FREM3: variants seen among roughly 807,000 people sequenced by gnomAD.
FREM3 encodes FRAS1 related extracellular matrix 3, also known as FRAS1-related extracellular matrix protein 3.
In FREM3, 105 loss-of-function variants were observed where a neutral mutation model predicts 129.1. The observed-to-expected ratio is 0.81, with a 90% CI of 0.69 to 0.96. The LOEUF (loss-of-function observed/expected upper bound fraction) is 0.96. Among genes scored for constraint, FREM3 ranks in the 40% least tolerant of loss-of-function variants. The pLI is 0.00. For missense variants in FREM3, 2,593 were observed against 2,666.3 expected (o/e 0.97, Z 0.61); for synonymous variants, 1,014 against 1,044.9 (o/e 0.97, Z 0.57).
intron 2 of FREM3, among the ~76,000 whole-genome samples, chr4:143,665,851 G>C (rs772145605): frequency 9.9e-5 from 15 of 152,014 alleles, no homozygotes; most frequent in Non-Finnish European, 4.4e-5. Flanking sequence ...TGTGTTCTAG[G>C]ATATCAAAGG....
chr4:143,693,356 T>A (rs997044022), intron 1 of FREM3, among the ~76,000 whole-genome samples, 154 bp from the exon 2 acceptor site: 2 of 152,184 alleles, frequency 1.3e-5, no homozygotes, highest in African/African-American at 4.8e-5. Flanking sequence ...AAAGCTACAA[T>A]GTCAAAAACA....
intron 6 of FREM3, among the ~76,000 whole-genome samples, chr4:143,593,499 A>G (rs529820017): frequency 4.3e-4 from 66 of 152,210 alleles, no homozygotes; most frequent in South Asian, 1.9e-3. Flanking sequence ...CTGGAGGTCC[A>G]CTCCAGACCC....
chr4:143,658,543 C>A (rs747402425), intron 2 of FREM3, among the ~76,000 whole-genome samples: 1 of 152,218 alleles, frequency 6.6e-6, no homozygotes, highest in Non-Finnish European at 1.5e-5. Context: ...TCACCCACCA[C>A]CTTGTCTAAA....
At chr4:143,627,221 C>T (rs1739055518) in intron 3 of FREM3, among the ~76,000 whole-genome samples, 2 of 152,024 alleles carry the variant, frequency 1.3e-5, no homozygotes, top group South Asian at 4.2e-4. Flanking sequence ...GAACTAAACA[C>T]AGTAATGGAT....
intron 2 of FREM3, among the ~76,000 whole-genome samples, chr4:143,680,033 C>A (rs1385240794): frequency 6.6e-6 from 1 of 151,850 alleles, no homozygotes; most frequent in East Asian, 1.9e-4. Context: ...TGTATTCAAG[C>A]ATTCTTTTTT....
chr4:143,650,702 G>C (rs916706522), intron 2 of FREM3, among the ~76,000 whole-genome samples: 2 of 152,152 alleles, frequency 1.3e-5, no homozygotes, highest in Non-Finnish European at 2.9e-5. Context: ...ATATTGCCCA[G>C]GCTGATCTTG....
chr4:143,665,009 G>A lies in FREM3; in HGVS notation c.5275+28104C>T, dbSNP rs185726366. ...TGTCTGTTACCCCTTTCTTTGACTA[G>A]GAAAGGGAACTCCCTGACCCCTTGC... On this transcript the variant is annotated intron_variant, in intron 2 of 7. Transcript: ENST00000329798. Among the ~76,000 whole-genome samples the A allele has an allele frequency of 8.9e-4, 135 of 152,250 alleles. 2 individuals carry two copies. In the East Asian group the frequency reaches 0.019, roughly 22 times the overall value.
Position 143,698,210 on chromosome 4 carries a change from C to T in FREM3, c.2466G>A (p.Leu822=). ...NSVPGTFTLF[L]QPVDNQPPEV... Reference sequence around the variant, plus strand: ...CTGGGGGCTGGTTGTCCACAGGTTGCAGGAATAATGTGAATGTGCCTGGCA... The same window carrying T: ...CTGGGGGCTGGTTGTCCACAGGTTGTAGGAATAATGTGAATGTGCCTGGCA... The change falls in exon 1 of 8, where the codon CTG becomes CTA. Residue 822 remains leucine (L), a synonymous_variant. Coordinates refer to ENST00000329798, the MANE Select transcript of FREM3 (RefSeq NM_001168235.2). The T allele has an allele frequency of 6.5e-7, 1 of 1,537,404 alleles. No individual in the cohort carries two copies. The highest frequency in any genetic ancestry group is 8.7e-7 in the Non-Finnish European group (1 of 1,146,936).
intron 2 of FREM3, among the ~76,000 whole-genome samples, chr4:143,657,357 C>T (rs1168030523): frequency 6.6e-6 from 1 of 152,150 alleles, no homozygotes; most frequent in Non-Finnish European, 1.5e-5. Context: ...TGGGATCATG[C>T]TGAATATTCA....
intron 7 of FREM3, among the ~76,000 whole-genome samples, chr4:143,582,593 A>G (rs1473538330): frequency 2.6e-5 from 4 of 152,168 alleles, no homozygotes; most frequent in African/African-American, 9.7e-5. Context: ...AACTCTGGCA[A>G]TTCAAAAAGC....
At chr4:143,636,889 C>G (rs1474321691) in intron 2 of FREM3, among the ~76,000 whole-genome samples, 1 of 152,044 alleles carries the variant, frequency 6.6e-6, no homozygotes, top group Non-Finnish European at 1.5e-5. Context: ...ATGTTTATGA[C>G]TTAAACTTGG....
rs1308639380 is a variant in FREM3 at position 143,652,324 on chromosome 4, G to A, written c.5276-24564C>T. On this transcript the variant is annotated intron_variant, in intron 2 of 7. Transcript: ENST00000329798. ...ACTACAGGCGCCCGCCACCGCGCCC[G>A]GCTAATTTTTTGTATTTTTAGTAGA... Among the ~76,000 whole-genome samples, 68 of 93,278 alleles carry A rather than the reference G, an allele frequency of 7.3e-4. 18 individuals are homozygous for A. Among genetic ancestry groups the A allele is most frequent in the African/African-American group, 2.2e-3 (67 of 30,558 alleles). 61.2% of individuals were successfully genotyped at this position (93,278 alleles called of 152,430 possible).
chr4:143,676,994 T>A (rs929829285), intron 2 of FREM3, among the ~76,000 whole-genome samples: 1 of 152,130 alleles, frequency 6.6e-6, no homozygotes, highest in Non-Finnish European at 1.5e-5. Context: ...TTCATTGCCA[T>A]CCCCATCAAG....
intron 2 of FREM3, among the ~76,000 whole-genome samples, chr4:143,689,404 T>A (rs1740424604): frequency 6.6e-6 from 1 of 152,070 alleles, no homozygotes; most frequent in African/African-American, 2.4e-5. Flanking sequence ...ATGGATGTGT[T>A]TGTTAATCAG....
Position 143,700,660 on chromosome 4 carries a change from G to A in FREM3, c.16C>T (p.Arg6Trp). The A allele has an allele frequency of 2.1e-6, 3 of 1,428,884 alleles. No individual in the cohort carries two copies. Among genetic ancestry groups the A allele is most frequent in the South Asian group, 1.5e-5 (1 of 67,230 alleles). 88.5% of individuals were successfully genotyped at this position (1,428,884 alleles called of 1,614,324 possible). ...TGCCGGGGCGTCCCAGTCGGGTGCC[G>A]AGAAGCCCCCGCCATGGCCACGGAT... The part of the protein sequence containing the change: MAGAS[R>W]HPTGTPRQLL... Residue 6 changes from arginine to tryptophan, a missense_variant, in exon 1 of 8, where the codon CGG becomes TGG. By Grantham distance (101) the Arg-to-Trp change is moderately radical (BLOSUM62 -3). Transcript: ENST00000329798.
rs374137257 is a variant in FREM3 at position 143,627,676 on chromosome 4, T to C, written c.5360A>G (p.Asp1787Gly). The change falls in exon 3 of 8, where the codon GAT becomes GGT. Residue 1787 changes from aspartate (D) to glycine (G), a missense_variant. Asp to Gly is a moderately conservative substitution (Grantham distance 94). Around this residue, in one of 2 missense-constraint regions of FREM3, gnomAD observed 2,276 missense variants for 2,267.2 expected, o/e 1.00. Coordinates refer to ENST00000329798, the MANE Select transcript of FREM3 (RefSeq NM_001168235.2). ...AAGGGTCACTTCTAAGAATGTGGAA[T>C]CTTCATCCACAATGTAGTACTCTTT... ...LEKEYYIVDE[D>G]STFLEVTLTR... 5.9e-6 allele frequency: 9 copies of C among 1,530,506 alleles called. No homozygotes were observed. The African/African-American group carries it at 1.1e-4, about 19-fold the overall frequency. The allele number at this position is 1,530,506 out of a possible 1,614,324, so 94.8% of individuals were successfully genotyped here. A position where few individuals can be genotyped will look rare whatever the true frequency, so the allele number is the denominator to read the frequency against.
chr4:143,593,601 G>T (rs1738408376), intron 6 of FREM3, among the ~76,000 whole-genome samples: 1 of 152,198 alleles, frequency 6.6e-6, no homozygotes, highest in Non-Finnish European at 1.5e-5. Flanking sequence ...TGGAAGTTTT[G>T]TCTCAGAGGA....
chr4:143,639,799 C>A (rs1341910287), intron 2 of FREM3, among the ~76,000 whole-genome samples: 1 of 152,112 alleles, frequency 6.6e-6, no homozygotes, highest in Admixed American at 6.6e-5. Flanking sequence ...ATCTCATGTG[C>A]AAATCCAATC....
At chr4:143,681,396 A>G (rs1244157856) in intron 2 of FREM3, among the ~76,000 whole-genome samples, 3 of 152,124 alleles carry the variant, frequency 2.0e-5, no homozygotes, top group African/African-American at 7.2e-5. Flanking sequence ...TTCAATATAA[A>G]TCTATGATTC....
Sources: gnomAD v4.1 joint callset for allele counts (sites outside exome capture counted in the v4.1 genomes callset) on GRCh38, gnomAD v4.1.1 for gene constraint, gnomAD v4.1.1 regional missense constraint, MANE v1.5 for transcripts, NCBI Gene and HGNC (gene_info 2026-07-23, HGNC 2026-07-21) for gene names.